Variants in AKAP17A observed in about 807,000 individuals in gnomAD.
The protein encoded by AKAP17A is A-kinase anchoring protein 17A.
A neutral mutation model predicts 52.2 loss-of-function variants in AKAP17A; 15 were observed. That is an observed-to-expected ratio of 0.29 (90% CI 0.19 to 0.44). The LOEUF (loss-of-function observed/expected upper bound fraction) is 0.44. AKAP17A is among the 20% of genes least tolerant of loss of function. AKAP17A has a pLI of 1.00. For synonymous variants in AKAP17A, 514 were observed against 424.7 expected, an observed-to-expected ratio of 1.21 and a Z score of -2.58; for missense variants, 1,060 against 1,007.0, an observed-to-expected ratio of 1.05 and a Z score of -0.71.
rs765757907 is a variant in AKAP17A at position 1,601,034 on chromosome X, A to G, written c.1528A>G (p.Lys510Glu). The change falls in exon 5 of 5, where the codon AAA (lysine) becomes GAA (glutamate). Residue 510 changes from lysine (K) to glutamate (E), a missense_variant. This residue lies in a region of AKAP17A where 793 missense variants were observed against 629.9 expected (regional missense o/e 1.26). Coordinates refer to ENST00000313871, the MANE Select transcript of AKAP17A (RefSeq NM_005088.3). ...CCACCCAGAGGCCGACGGCGCTCCC[A>G]AAAGCGTGAACGGGAGCGTGGCCGA... ...PAHPEADGAP[K>E]SVNGSVAEEA... is the part of the protein sequence containing the mutation. 8.1e-6 allele frequency: 13 copies of G among 1,612,240 alleles called. No homozygotes were observed. The African/African-American group carries it at 9.3e-5, about 12-fold the overall frequency.
rs755712951 is a variant in AKAP17A at position 1,595,753 on chromosome X, G to T, written c.911+221G>T. Among the ~76,000 whole-genome samples the T allele has an allele frequency of 3.9e-5, 6 of 152,250 alleles. No individual in the cohort carries two copies. The South Asian group carries it at 1.2e-3, about 32-fold the overall frequency. ...CGCCCGAGTGTGTGCCTGAGCATCT[G>T]TGTGCACGTGTGCCTGTGTGTGCGT... is the stretch of plus-strand genomic sequence containing the variant. On this transcript the variant is annotated intron_variant, in intron 3 of 4. Transcript: ENST00000313871.
intron 4 of AKAP17A, chrX:1,599,965 C>G (rs1260233598): frequency 2.1e-6 from 1 of 470,852 alleles, no homozygotes; most frequent in African/African-American, 2.0e-5. Context: ...CCAAGAGCCT[C>G]CCTGCTCCTC....
chrX:1,599,153 C>T (rs768877341), intron 3 of AKAP17A, 39 bp from the exon 4 acceptor site: 46 of 1,601,196 alleles, frequency 2.9e-5, no homozygotes, highest in South Asian at 2.4e-4. Flanking sequence ...GTGTTGGCTG[C>T]GGCGCTCTCT....
chrX:1,600,197 C>CT, intron 4 of AKAP17A: 1 of 1,310,592 alleles, frequency 7.6e-7, no homozygotes, highest in South Asian at 1.2e-5. Context: ...CAGCCCAGTC[C>CT]TTACCTCATG....
chrX:1,599,919 G>A (rs1460645441), intron 4 of AKAP17A: 2 of 528,832 alleles, frequency 3.8e-6, no homozygotes, highest in East Asian at 3.4e-5. Context: ...AACCTGACAG[G>A]TCTCACCAGC....
Position 1,599,367 on chromosome X carries a change from C to G in AKAP17A, c.1087C>G (p.Leu363Val). The G allele has an allele frequency of 6.3e-7, 1 of 1,587,354 alleles. No homozygotes were observed. Among genetic ancestry groups the G allele is most frequent in the South Asian group, 1.1e-5 (1 of 87,668 alleles). The change falls in exon 4 of 5, where the codon CTG (leucine) becomes GTG (valine). Residue 363 changes from leucine to valine, a missense_variant. This residue lies in a region of AKAP17A where 793 missense variants were observed against 629.9 expected (regional missense o/e 1.26). Transcript: ENST00000313871. ...GAAGATCAAGCTGGAGGAGCGCAAG[C>G]TGCTGCTGGCCCAGAGGAACCTGCA... is the stretch of plus-strand genomic sequence containing the variant. ...QEKIKLEERK[L>V]LLAQRNLQSI...
intron 2 of AKAP17A, 67 bp from the exon 3 acceptor site, chrX:1,595,317 G>A: frequency 9.4e-6 from 15 of 1,602,548 alleles, no homozygotes; most frequent in Non-Finnish European, 1.2e-5. Context: ...GCCCAGGAGA[G>A]GGCGCCTGGC....
chrX:1,596,216 T>A (rs1196261599), intron 3 of AKAP17A, among the ~76,000 whole-genome samples: 1 of 116,122 alleles, frequency 8.6e-6, no homozygotes, highest in Non-Finnish European at 1.7e-5. Context: ...TTGATGGTGA[T>A]GGCCAGATTT....
chrX:1,597,211 G>A (rs1288985886), intron 3 of AKAP17A, among the ~76,000 whole-genome samples: 6 of 152,198 alleles, frequency 3.9e-5, no homozygotes, highest in African/African-American at 7.2e-5. Context: ...CATCCTGCCC[G>A]TGGTGTTCTT....
At chrX:1,594,744 G>A (rs1412811171) in intron 2 of AKAP17A, among the ~76,000 whole-genome samples, 1 of 151,534 alleles carries the variant, frequency 6.6e-6, no homozygotes, top group Non-Finnish European at 1.5e-5. Flanking sequence ...TCAGCCTCCC[G>A]AGTAGCTGGG....
At chrX:1,599,086 T>A in intron 3 of AKAP17A, 106 bp from the exon 4 acceptor site, 1 of 1,505,772 alleles carries the variant, frequency 6.6e-7, no homozygotes. Context: ...AAATGCTTAA[T>A]CGTTGGACCG....
At chrX:1,598,313 G>A (rs1257949616) in intron 3 of AKAP17A, among the ~76,000 whole-genome samples, 3 of 152,166 alleles carry the variant, frequency 2.0e-5, no homozygotes, top group African/African-American at 7.2e-5. Flanking sequence ...CCCCCTTCTT[G>A]GGGTGGCAGA....
intron 4 of AKAP17A, chrX:1,599,796 G>T: frequency 3.3e-6 from 2 of 602,714 alleles, no homozygotes; most frequent in South Asian, 4.0e-5. Flanking sequence ...TGGTCAGCTG[G>T]CCTGGCTGTG....
In AKAP17A at chrX:1,593,765, C is replaced by T; in HGVS notation, c.303C>T (p.Ile101=). ...TGGCCTGCCTGGACGGCAAGACCATCAAGCTCAGCGGCTTCTCCGACATCC... is the reference window on the plus strand; with the variant it reads ...TGGCCTGCCTGGACGGCAAGACCATTAAGCTCAGCGGCTTCTCCGACATCC... ...SFLACLDGKT[I]KLSGFSDILK... is the part of the protein sequence containing the mutation. The change falls in exon 2 of 5, where the codon ATC becomes ATT. Residue 101 remains isoleucine, a synonymous_variant. Coordinates refer to ENST00000313871, the MANE Select transcript of AKAP17A (RefSeq NM_005088.3). 6.2e-7 allele frequency: 1 copy of T among 1,613,922 alleles called. No individual in the cohort carries two copies.
chrX:1,592,155 A>C (rs374623255), intron 1 of AKAP17A, among the ~76,000 whole-genome samples: 3 of 149,596 alleles, frequency 2.0e-5, no homozygotes, highest in East Asian at 4.0e-4. Context: ...CTAGGTCTAC[A>C]GTGGGAAGCA....
chrX:1,600,640 A>G lies in AKAP17A; in HGVS notation c.1153-19A>G, dbSNP rs1238786295. The G allele has an allele frequency of 5.3e-6, 8 of 1,520,660 alleles. No homozygotes were observed. Among genetic ancestry groups the G allele is most frequent in the Non-Finnish European group, 7.1e-6 (8 of 1,132,722 alleles). The allele number at this position is 1,520,660 out of a possible 1,614,324, so 94.2% of individuals were successfully genotyped here. ...AGGCTCAGGAACCGGGCTCAGCTGC[A>G]CTTTCCTCTTCCCCGCAGGCTGTGA... On this transcript the variant is annotated intron_variant, in intron 4 of 4. Coordinates refer to ENST00000313871, the MANE Select transcript of AKAP17A (RefSeq NM_005088.3).
intron 3 of AKAP17A, among the ~76,000 whole-genome samples, chrX:1,597,556 T>TA (rs776586378): frequency 1.3e-5 from 2 of 151,714 alleles, no homozygotes; most frequent in Admixed American, 1.3e-4. Flanking sequence ...CCTGGGGCGT[T>TA]ACAGGGACTC....
intron 2 of AKAP17A, 146 bp downstream of exon 2, chrX:1,594,370 C>A: frequency 3.1e-6 from 3 of 964,180 alleles, no homozygotes; most frequent in South Asian, 2.4e-5. Flanking sequence ...TGTGCCTGTC[C>A]AATTTCAGAG....
At chrX:1,595,760 C>T (rs1281391321) in intron 3 of AKAP17A, among the ~76,000 whole-genome samples, 2 of 151,410 alleles carry the variant, frequency 1.3e-5, no homozygotes, top group South Asian at 2.1e-4. Flanking sequence ...TCTGTGTGCA[C>T]GTGTGCCTGT....
Sources: allele counts gnomAD v4.1 joint callset (sites outside exome capture counted in the v4.1 genomes callset), GRCh38; gene constraint gnomAD v4.1.1; regional missense constraint gnomAD v4.1.1; transcripts MANE v1.5; gene names NCBI Gene and HGNC (gene_info 2026-07-23, HGNC 2026-07-21).